Variants in HSD17B11 observed in about 807,000 individuals in gnomAD.
HSD17B11 encodes estradiol 17-beta-dehydrogenase 11.
HSD17B11 carries 22 observed loss-of-function variants against 27.8 expected under a neutral mutation model. The ratio of observed to expected loss-of-function variants is 0.79; its 90% CI spans 0.56 to 1.13. HSD17B11 has a LOEUF of 1.13. HSD17B11 is among the 50% of genes most tolerant of loss of function. HSD17B11 has a pLI of 0.00. For missense variants in HSD17B11, 314 were observed against 351.1 expected (o/e 0.89, Z 0.84); for synonymous variants, 117 against 132.8 (o/e 0.88, Z 0.82).
intron 1 of HSD17B11, chr4:87,387,204 G>T (rs1282787431): frequency 6.6e-6 from 1 of 152,196 alleles, no homozygotes; most frequent in East Asian, 1.9e-4. Context: ...GCATGGGAAT[G>T]AGAATAGTCA....
chr4:87,340,902 A>G (rs1307184857), intron 5 of HSD17B11, among the ~76,000 whole-genome samples: 2 of 152,220 alleles, frequency 1.3e-5, no homozygotes, highest in Admixed American at 6.5e-5. Context: ...TATTCCACAA[A>G]TAAGAATTAT....
chr4:87,381,397 G>A (rs185131180), intron 2 of HSD17B11, among the ~76,000 whole-genome samples: 14 of 152,132 alleles, frequency 9.2e-5, no homozygotes, highest in East Asian at 5.8e-4. Flanking sequence ...GCGAGAATGC[G>A]TTCAGAGTGA....
chr4:87,384,302 T>C (rs959134173), intron 1 of HSD17B11, among the ~76,000 whole-genome samples: 21 of 152,232 alleles, frequency 1.4e-4, no homozygotes, highest in African/African-American at 4.8e-4. Flanking sequence ...ACCACTGTGA[T>C]AATTGTGTTA....
intron 4 of HSD17B11, among the ~76,000 whole-genome samples, chr4:87,359,856 T>C (rs1000135061): frequency 1.3e-5 from 2 of 152,172 alleles, no homozygotes; most frequent in Non-Finnish European, 2.9e-5. Context: ...CTAAACTTTA[T>C]TAACTCCAAG....
intron 4 of HSD17B11, among the ~76,000 whole-genome samples, chr4:87,360,895 A>G (rs1735499718): frequency 6.6e-6 from 1 of 152,246 alleles, no homozygotes; most frequent in South Asian, 2.1e-4. Context: ...GTTGCACATA[A>G]TATTTATTAA....
At position 87,382,895 on chromosome 4, in the gene HSD17B11, A is replaced by G. The variant is rs149152617; in HGVS notation, c.211-533T>C. ...CCCGACCCCAAGAAGTTCTCTGTGTAGTAGAAAGAAACATAAGTATCATAG... is the reference window on the plus strand; with the variant it reads ...CCCGACCCCAAGAAGTTCTCTGTGTGGTAGAAAGAAACATAAGTATCATAG... On this transcript the variant is annotated intron_variant, in intron 1 of 6. Coordinates refer to ENST00000358290, the MANE Select transcript of HSD17B11 (RefSeq NM_016245.5). Among the ~76,000 whole-genome samples the G allele has an allele frequency of 4.6e-5, 7 of 152,362 alleles. No individual in the cohort carries two copies. In the East Asian group the frequency reaches 9.6e-4, roughly 21 times the overall value.
At chr4:87,354,307 A>AAT (rs1560760117) in intron 5 of HSD17B11, among the ~76,000 whole-genome samples, 162 of 152,114 alleles carry the variant, frequency 1.1e-3, no homozygotes, top group African/African-American at 3.8e-3. Flanking sequence ...TCCACTAAAA[A>AAT]AATAATAATA....
chr4:87,368,083 C>T (rs10025212), intron 4 of HSD17B11, among the ~76,000 whole-genome samples: 57,842 of 151,938 alleles, frequency 0.38, 11,304 homozygotes, highest in Non-Finnish European at 0.43. Flanking sequence ...TTTGGGGGGC[C>T]GAGGCGGGTG....
intron 4 of HSD17B11, among the ~76,000 whole-genome samples, chr4:87,368,483 T>A (rs1735648855): frequency 6.6e-6 from 1 of 152,078 alleles, no homozygotes; most frequent in Non-Finnish European, 1.5e-5. Context: ...AAAGATGGAT[T>A]TTCATCCGTC....
intron 5 of HSD17B11, among the ~76,000 whole-genome samples, chr4:87,356,849 C>T (rs1418157019): frequency 6.6e-6 from 1 of 152,150 alleles, no homozygotes; most frequent in Non-Finnish European, 1.5e-5. Context: ...TGGGTTATCT[C>T]TATCAGAATC....
At chr4:87,343,628 A>C (rs534216374) in intron 5 of HSD17B11, among the ~76,000 whole-genome samples, 1 of 150,922 alleles carries the variant, frequency 6.6e-6, no homozygotes, top group East Asian at 2.0e-4. Flanking sequence ...GCTCACTGCA[A>C]CCTCCGTCTC....
chr4:87,378,147 A>C (rs1268398920), intron 2 of HSD17B11, among the ~76,000 whole-genome samples: 1 of 152,170 alleles, frequency 6.6e-6, no homozygotes. Context: ...GTCAGAATTG[A>C]ATTTCATCAG....
intron 2 of HSD17B11, among the ~76,000 whole-genome samples, chr4:87,379,864 A>C (rs1328516467): frequency 1.3e-5 from 1 of 77,214 alleles, no homozygotes. Flanking sequence ...ATGTATATGT[A>C]TTATACTATT....
At chr4:87,377,043 T>C (rs907208952) in intron 2 of HSD17B11, among the ~76,000 whole-genome samples, 8 of 152,242 alleles carry the variant, frequency 5.3e-5, no homozygotes, top group East Asian at 3.9e-4. Flanking sequence ...ACTGGGAGGA[T>C]TGCTTGCACC....
At chr4:87,374,954 C>T (rs928246234) in intron 2 of HSD17B11, 124 bp from the exon 3 acceptor site, 6 of 624,470 alleles carry the variant, frequency 9.6e-6, no homozygotes, top group South Asian at 2.4e-5. Flanking sequence ...AGTACAGTGG[C>T]GAAATCTTGG....
intron 2 of HSD17B11, among the ~76,000 whole-genome samples, chr4:87,379,870 CTAT>C (rs1373849604): frequency 2.2e-5 from 3 of 138,100 alleles, no homozygotes; most frequent in Non-Finnish European, 4.5e-5. Context: ...ATGTATTATA[CTAT>C]TAATTATTAT....
chr4:87,378,943 TATA>T (rs1720045667), intron 2 of HSD17B11, among the ~76,000 whole-genome samples: 4 of 26,680 alleles, frequency 1.5e-4, no homozygotes, highest in African/African-American at 6.9e-4. Context: ...TATATATATA[TATA>T]TTTATATATA....
intron 5 of HSD17B11, among the ~76,000 whole-genome samples, chr4:87,341,640 C>T (rs77640613): frequency 0.1 from 15,464 of 151,982 alleles, 2,571 homozygotes; most frequent in African/African-American, 0.35. Context: ...GCGGGTGGAG[C>T]GCTTGAGCCC....
At chr4:87,353,734 G>T (rs1735328844) in intron 5 of HSD17B11, among the ~76,000 whole-genome samples, 2 of 152,112 alleles carry the variant, frequency 1.3e-5, no homozygotes, top group South Asian at 2.1e-4. Flanking sequence ...GCCTTGTAGG[G>T]GGGGCAAGGT....
Sources: gnomAD v4.1 joint callset for allele counts (sites outside exome capture counted in the v4.1 genomes callset) on GRCh38, gnomAD v4.1.1 for gene constraint, MANE v1.5 for transcripts, NCBI Gene and HGNC (gene_info 2026-07-23, HGNC 2026-07-21) for gene names.